ENOX1: variants seen among roughly 807,000 people sequenced by gnomAD.
The protein encoded by ENOX1 is ecto-NOX disulfide-thiol exchanger 1.
In ENOX1, 42 loss-of-function variants were observed where a neutral mutation model predicts 82.5. The observed-to-expected ratio is 0.51, with a 90% CI of 0.40 to 0.66. The LOEUF (loss-of-function observed/expected upper bound fraction) is 0.66. Ranked by LOEUF, ENOX1 falls within the 30% of genes least tolerant of loss-of-function variation. ENOX1 has a pLI of 0.00. For synonymous variants in ENOX1, 271 were observed against 282.2 expected (o/e 0.96, Z 0.40); for missense variants, 608 against 811.6 (o/e 0.75, Z 3.05).
chr13:43,484,443 G>A (rs1007780578), intron 2 of ENOX1, among the ~76,000 whole-genome samples: 6 of 152,188 alleles, frequency 3.9e-5, no homozygotes, highest in Non-Finnish European at 8.8e-5. Context: ...CACAAGAACA[G>A]TGACAGTATT....
At chr13:43,476,512 A>G (rs962197527) in intron 3 of ENOX1, among the ~76,000 whole-genome samples, 3 of 152,182 alleles carry the variant, frequency 2.0e-5, no homozygotes, top group African/African-American at 7.2e-5. Context: ...AGAATGTGCA[A>G]ATGTACTTCA....
At chr13:43,324,216 C>G (rs2047976944) in intron 10 of ENOX1, among the ~76,000 whole-genome samples, 1 of 152,158 alleles carries the variant, frequency 6.6e-6, no homozygotes, top group Non-Finnish European at 1.5e-5. Context: ...AAAGAGGTGG[C>G]TTAACACTTG....
At chr13:43,719,302 T>TACACACACACACACACACACACACAC (rs3024232) in intron 1 of ENOX1, among the ~76,000 whole-genome samples, 17 of 126,786 alleles carry the variant, frequency 1.3e-4, no homozygotes, top group African/African-American at 2.6e-4. Context: ...TTCATTCAAA[T>TACACACACACACACACACACACACAC]ACACACACAC....
chr13:43,443,104 G>C (rs9562488), intron 3 of ENOX1, among the ~76,000 whole-genome samples: 17,179 of 151,992 alleles, frequency 0.11, 1,030 homozygotes, highest in East Asian at 0.25. Context: ...TATTCACTTG[G>C]AAAAATGTTT....
intron 5 of ENOX1, among the ~76,000 whole-genome samples, chr13:43,393,430 A>C (rs2052925368): frequency 6.6e-6 from 1 of 152,242 alleles, no homozygotes; most frequent in African/African-American, 2.4e-5. Flanking sequence ...TATTCAATAC[A>C]TATTTATTGA....
Position 43,655,569 on chromosome 13 carries a change from C to T in ENOX1, c.-219+11910G>A, listed in dbSNP as rs190128020. On this transcript the variant is annotated intron_variant, in intron 2 of 16. Coordinates refer to ENST00000690772, the MANE Select transcript of ENOX1 (RefSeq NM_001347969.2). The stretch of plus-strand genomic sequence containing the variant: ...AGCTATTTTATAACACAGCAACAAT[C>T]ATCTACCCGAATGTCATGTTGATCA... Among the ~76,000 whole-genome samples, 14 of 152,306 alleles carry T rather than the reference C, an allele frequency of 9.2e-5. No homozygotes were observed. The East Asian group carries it at 2.5e-3, about 27-fold the overall frequency.
intron 1 of ENOX1, among the ~76,000 whole-genome samples, chr13:43,769,096 G>C (rs1951445290): frequency 6.6e-6 from 1 of 152,198 alleles, no homozygotes; most frequent in Admixed American, 6.5e-5. Context: ...CTATTTACCA[G>C]CTATCACAGT....
intron 3 of ENOX1, among the ~76,000 whole-genome samples, chr13:43,481,090 AAAATACTAGCAACTTTTTGCTAGCAAC>A (rs1275320236): frequency 2.6e-5 from 4 of 152,160 alleles, no homozygotes; most frequent in African/African-American, 7.2e-5. Flanking sequence ...AATTCTCAAC[AAAATACTAGCAACTTTTTGCTAGCAAC>A]AAATACTAGC....
intron 1 of ENOX1, among the ~76,000 whole-genome samples, chr13:43,699,040 G>A (rs963005010): frequency 1.3e-5 from 2 of 152,170 alleles, no homozygotes; most frequent in African/African-American, 4.8e-5. Flanking sequence ...GGAAGCAATT[G>A]CATAATGACT....
At chr13:43,690,561 TTAACCATTGGAAA>T (rs1430691053) in intron 1 of ENOX1, among the ~76,000 whole-genome samples, 74 of 152,328 alleles carry the variant, frequency 4.9e-4, no homozygotes, top group African/African-American at 1.7e-3. Context: ...AGGAATGAAT[TTAACCATTGGAAA>T]TAGCCTTCCA....
intron 8 of ENOX1, among the ~76,000 whole-genome samples, chr13:43,354,850 C>A (rs1050578885): frequency 6.6e-6 from 1 of 152,182 alleles, no homozygotes; most frequent in African/African-American, 2.4e-5. Context: ...CTTTATGCCT[C>A]TTTTTATCCT....
intron 1 of ENOX1, among the ~76,000 whole-genome samples, chr13:43,694,999 C>T (rs2086561470): frequency 6.6e-6 from 1 of 152,112 alleles, no homozygotes; most frequent in Non-Finnish European, 1.5e-5. Flanking sequence ...TTTCTTGCGA[C>T]GATAGAAAAC....
At chr13:43,458,520 T>C (rs749832013) in intron 3 of ENOX1, 3 of 152,110 alleles carry the variant, frequency 2.0e-5, no homozygotes, top group African/African-American at 4.8e-5. Context: ...TGAAAAGGGG[T>C]GTGCAGAGCT....
At chr13:43,487,481 C>T (rs539764297) in intron 2 of ENOX1, among the ~76,000 whole-genome samples, 1 of 152,064 alleles carries the variant, frequency 6.6e-6, no homozygotes, top group South Asian at 2.1e-4. Context: ...TGAAAGTAGA[C>T]ACCTAACCTA....
chr13:43,693,446 T>A (rs1292075783), intron 1 of ENOX1, among the ~76,000 whole-genome samples: 2 of 152,152 alleles, frequency 1.3e-5, no homozygotes, highest in Non-Finnish European at 2.9e-5. Context: ...CAAATCCAAT[T>A]AACAAAATAC....
intron 2 of ENOX1, among the ~76,000 whole-genome samples, chr13:43,549,352 C>T (rs1338146104): frequency 1.3e-5 from 2 of 152,124 alleles, no homozygotes; most frequent in Non-Finnish European, 1.5e-5. Context: ...GCATTTTTAC[C>T]TAGTCAATAG....
At chr13:43,741,863 A>G (rs979846026) in intron 1 of ENOX1, among the ~76,000 whole-genome samples, 1 of 152,180 alleles carries the variant, frequency 6.6e-6, no homozygotes, top group Admixed American at 6.5e-5. Context: ...ATAGTTTTAT[A>G]GCTTTAGGTC....
At chr13:43,779,948 A>C (rs559052076) in intron 1 of ENOX1, among the ~76,000 whole-genome samples, 2 of 152,288 alleles carry the variant, frequency 1.3e-5, no homozygotes, top group Admixed American at 1.3e-4. Context: ...CGAAGTCAGG[A>C]GATCGAGACC....
chr13:43,661,993 GA>G (rs1000624872), intron 2 of ENOX1, among the ~76,000 whole-genome samples: 6 of 80,996 alleles, frequency 7.4e-5, no homozygotes, highest in African/African-American at 1.8e-4. Flanking sequence ...ACAACAGATT[GA>G]TTTTTTTTTA....
Sources: gnomAD v4.1 joint callset for allele counts (sites outside exome capture counted in the v4.1 genomes callset) on GRCh38, gnomAD v4.1.1 for gene constraint, MANE v1.5 for transcripts, NCBI Gene and HGNC (gene_info 2026-07-23, HGNC 2026-07-21) for gene names.